The following PNPLA7 variants were observed in gnomAD, a reference collection of about 807,000 sequenced individuals.
PNPLA7 encodes patatin-like phospholipase domain-containing protein 7.
A neutral mutation model predicts 161.7 loss-of-function variants in PNPLA7; 153 were observed. The observed-to-expected ratio is 0.95, with a 90% CI of 0.83 to 1.08. The LOEUF (loss-of-function observed/expected upper bound fraction) is 1.08. Ranked by LOEUF, PNPLA7 falls within the 50% of genes least tolerant of loss-of-function variation. PNPLA7 has a pLI of 0.00. For missense variants in PNPLA7, 1,739 were observed against 1,856.6 expected, an observed-to-expected ratio of 0.94 and a Z score of 1.16; for synonymous variants, 809 against 782.1, an observed-to-expected ratio of 1.03 and a Z score of -0.57.
In PNPLA7 at chr9:137,519,999, G is replaced by A. The variant is rs79362013; in HGVS notation, c.1002C>T (p.Ala334=). The A allele has an allele frequency of 1.5e-3, 2,397 of 1,612,718 alleles. 38 individuals are homozygous for A. In the African/African-American group the frequency reaches 0.029, roughly 19 times the overall value. ...IPLVSVASVA[A]GKAKKQVFYG... is the part of the protein sequence containing the mutation. Reference sequence around the variant, plus strand: ...AGAACACCTGCTTCTTGGCCTTCCCGGCAGCCACACTGGCTACAGACACGA... The same window carrying A: ...AGAACACCTGCTTCTTGGCCTTCCCAGCAGCCACACTGGCTACAGACACGA... Residue 334 remains alanine, a synonymous_variant, in exon 11 of 35, where the codon GCC becomes GCT. Transcript: ENST00000406427.
chr9:137,502,122 C>A (rs1044456519), intron 14 of PNPLA7, among the ~76,000 whole-genome samples: 2 of 152,188 alleles, frequency 1.3e-5, no homozygotes, highest in African/African-American at 4.8e-5. Context: ...CCCTCCAGGG[C>A]ACGAGGACTC....
At position 137,522,899 on chromosome 9, in the gene PNPLA7, C is replaced by T. The variant is rs766308466; in HGVS notation, c.748-42G>A. 6.2e-6 allele frequency: 10 copies of T among 1,604,198 alleles called. No homozygotes were observed. The East Asian group carries it at 2.0e-4, about 32-fold the overall frequency. On this transcript the variant is annotated intron_variant, in intron 8 of 34. Transcript: ENST00000406427. ...ATCAGTCCCCACTCTGTGGGCCTGGCCAACCCCCCAGGGAATGCCAAGGCT... is the reference window on the plus strand; with the variant it reads ...ATCAGTCCCCACTCTGTGGGCCTGGTCAACCCCCCAGGGAATGCCAAGGCT...
intron 18 of PNPLA7, among the ~76,000 whole-genome samples, chr9:137,496,020 C>T (rs905097076): frequency 1.4e-4 from 21 of 152,152 alleles, no homozygotes; most frequent in Admixed American, 3.9e-4. Flanking sequence ...GGGCAAAACA[C>T]GGAGCAACAC....
At chr9:137,518,136 T>C (rs1451816542) in intron 11 of PNPLA7, among the ~76,000 whole-genome samples, 14 of 99,240 alleles carry the variant, frequency 1.4e-4, no homozygotes, top group Admixed American at 3.0e-4. Flanking sequence ...CTCCACTCTG[T>C]CCACTCCATC....
chr9:137,538,738 A>G (rs940200476), intron 8 of PNPLA7, among the ~76,000 whole-genome samples: 1 of 152,250 alleles, frequency 6.6e-6, no homozygotes, highest in Non-Finnish European at 1.5e-5. Flanking sequence ...CAAAGAAAAA[A>G]AGATTAAACA....
chr9:137,500,205 C>T lies in PNPLA7; in HGVS notation c.1757+486G>A, dbSNP rs975350590. On this transcript the variant is annotated intron_variant, in intron 16 of 34. Coordinates refer to ENST00000406427, the MANE Select transcript of PNPLA7 (RefSeq NM_001098537.3). The surrounding 1 kb of genome is among the most constrained non-coding windows in gnomAD (Gnocchi z 5.5). ...ACATTCTGCCCCAAGAAGGGACACACGTCAGTGGGGCTCCTCCCCCGAGCC... is the reference window on the plus strand; with the variant it reads ...ACATTCTGCCCCAAGAAGGGACACATGTCAGTGGGGCTCCTCCCCCGAGCC... 1.3e-5 allele frequency among the ~76,000 whole-genome samples: 2 copies of T among 152,268 alleles called. No homozygotes were observed. The highest frequency in any genetic ancestry group is 1.3e-4 in the Admixed American group (2 of 15,290).
intron 21 of PNPLA7, among the ~76,000 whole-genome samples, chr9:137,483,549 G>A (rs1043472049): frequency 1.3e-5 from 2 of 151,894 alleles, no homozygotes; most frequent in South Asian, 4.2e-4. Context: ...CTACCTCCTG[G>A]GTTCAAGCGA....
Position 137,547,990 on chromosome 9 carries a change from C to G in PNPLA7, c.31-331G>C, listed in dbSNP as rs1836633891. Reference sequence around the variant, plus strand: ...CCTGGCCAAAGGGGAGGCCAAGGCCCCCCTCTCAGTGTCGCCTCAGCCCCA... The same window carrying G: ...CCTGGCCAAAGGGGAGGCCAAGGCCGCCCTCTCAGTGTCGCCTCAGCCCCA... On this transcript the variant is annotated intron_variant, in intron 1 of 34. Coordinates refer to ENST00000406427, the MANE Select transcript of PNPLA7 (RefSeq NM_001098537.3). This position sits in a 1 kb window ranked among gnomAD's most constrained non-coding sequence, Gnocchi z 4.6. Among the ~76,000 whole-genome samples, 1 of 152,118 alleles carries G rather than the reference C, an allele frequency of 6.6e-6. No homozygotes were observed. The highest frequency in any genetic ancestry group is 1.9e-4 in the East Asian group (1 of 5,184).
intron 4 of PNPLA7, 39 bp downstream of exon 4, chr9:137,546,791 G>C: frequency 6.2e-7 from 1 of 1,600,496 alleles, no homozygotes; most frequent in Non-Finnish European, 8.6e-7. Context: ...GCCTGCTCGA[G>C]GAAGCCGTGT....
Position 137,504,110 on chromosome 9 carries a change from AAAG to A in PNPLA7, c.1473+1501_1473+1503del, listed in dbSNP as rs538909391. ...GGAAGAAGAAGGAAGAAGAAGAAAGAAAGAAGAAGAAGAAAAAAGGAAGAAGAA... is the reference window on the plus strand; with the variant it reads ...GGAAGAAGAAGGAAGAAGAAGAAAGAAAGAAGAAGAAAAAAGGAAGAAGAA... On this transcript the variant is annotated intron_variant, in intron 14 of 34. Coordinates refer to ENST00000406427, the MANE Select transcript of PNPLA7 (RefSeq NM_001098537.3). Among the ~76,000 whole-genome samples, 385 of 140,368 alleles carry A rather than the reference AAAG, an allele frequency of 2.7e-3. 3 individuals are homozygous for A. The highest frequency in any genetic ancestry group is 0.018 in the Admixed American group (255 of 14,234). 92.1% of individuals were successfully genotyped at this position (140,368 alleles called of 152,430 possible). A position where few individuals can be genotyped will look rare whatever the true frequency, so the allele number is the denominator to read the frequency against.
At chr9:137,496,707 G>A (rs965115551) in intron 18 of PNPLA7, among the ~76,000 whole-genome samples, 11 of 152,128 alleles carry the variant, frequency 7.2e-5, no homozygotes, top group East Asian at 1.9e-4. Flanking sequence ...GTGAAATTCC[G>A]TCTCAAAAAA....
intron 8 of PNPLA7, among the ~76,000 whole-genome samples, chr9:137,529,446 G>T (rs913913025): frequency 6.6e-6 from 1 of 152,122 alleles, no homozygotes; most frequent in Non-Finnish European, 1.5e-5. Context: ...ATTTATAATG[G>T]CTGGGTTTAG....
chr9:137,537,970 T>C lies in PNPLA7; in HGVS notation c.747+2672A>G, dbSNP rs562364676. On this transcript the variant is annotated intron_variant, in intron 8 of 34. Coordinates refer to ENST00000406427, the MANE Select transcript of PNPLA7 (RefSeq NM_001098537.3). This position sits in a 1 kb window ranked among gnomAD's most constrained non-coding sequence, Gnocchi z 4.5. ...ACGTCCACGTAGACCAAAGCTCCTG[T>C]GGTCCTTTCCCAGTTTTTCTCAGGC... Among the ~76,000 whole-genome samples, 1 of 152,298 alleles carries C rather than the reference T, an allele frequency of 6.6e-6. No individual in the cohort carries two copies. The highest frequency in any genetic ancestry group is 2.1e-4 in the South Asian group (1 of 4,830).
chr9:137,506,148 G>A, intron 12 of PNPLA7, 65 bp from the exon 13 acceptor site: 1 of 1,386,350 alleles, frequency 7.2e-7, no homozygotes, highest in Non-Finnish European at 1.0e-6. Context: ...TCCGCGGTGT[G>A]GGCTGAGCAC....
chr9:137,461,258 G>A (rs1831179040), intron 33 of PNPLA7: 1 of 420,324 alleles, frequency 2.4e-6, no homozygotes, highest in Non-Finnish European at 4.4e-6. Flanking sequence ...GGGGTGGGAG[G>A]CAAAACGTGG....
At position 137,501,681 on chromosome 9, in the gene PNPLA7, G is replaced by T. The variant is rs771173002; in HGVS notation, c.1520C>A (p.Ala507Glu). The T allele has an allele frequency of 1.0e-4, 167 of 1,612,480 alleles. No homozygotes were observed. Among genetic ancestry groups the T allele is most frequent in the Non-Finnish European group, 1.4e-4 (161 of 1,179,898 alleles). The change falls in exon 15 of 35, where the codon GCA becomes GAA. Residue 507 changes from alanine (A) to glutamate (E), a missense_variant. Ala to Glu is a moderately radical substitution (Grantham distance 107). This residue lies in a region of PNPLA7 where 481 missense variants were observed against 450.0 expected (regional missense o/e 1.07). Transcript: ENST00000406427. The stretch of plus-strand genomic sequence containing the variant: ...TCCCTGCCTTGACACCACCGTGCCT[G>T]CAGGAACGTGCAGAAGCGCCACCCG... ...DGRVALLHVP[A>E]GTVVSRQGDQ...
At chr9:137,498,271 T>C in intron 16 of PNPLA7, 26 bp from the exon 17 acceptor site, 2 of 1,606,682 alleles carry the variant, frequency 1.2e-6, no homozygotes, top group Non-Finnish European at 1.7e-6. Context: ...GAGTCAATCC[T>C]GCCCCATCCC....
chr9:137,503,013 G>C (rs1035259483), intron 14 of PNPLA7, among the ~76,000 whole-genome samples: 1 of 151,814 alleles, frequency 6.6e-6, no homozygotes, highest in Non-Finnish European at 1.5e-5. Context: ...AGGGATGCTA[G>C]GTACTCACCT....
At chr9:137,538,533 C>G (rs967705740) in intron 8 of PNPLA7, among the ~76,000 whole-genome samples, 2 of 152,196 alleles carry the variant, frequency 1.3e-5, no homozygotes, top group African/African-American at 4.8e-5. Flanking sequence ...TTCTGGTGAG[C>G]TCTAGAAAAC....
Sources: allele counts gnomAD v4.1 joint callset (sites outside exome capture counted in the v4.1 genomes callset), GRCh38; gene constraint gnomAD v4.1.1; regional missense constraint gnomAD v4.1.1; non-coding constraint Gnocchi (gnomAD v3.1); transcripts MANE v1.5; gene names NCBI Gene and HGNC (gene_info 2026-07-23, HGNC 2026-07-21).